XYLT1: variants seen among roughly 807,000 people sequenced by gnomAD.
XYLT1 encodes beta-D-xylosyltransferase 1.
Under a neutral mutation model 91.3 loss-of-function variants are expected in XYLT1, and 36 were observed. That is an observed-to-expected ratio of 0.39 (90% CI 0.30 to 0.52). The LOEUF is 0.52. Ranked by LOEUF, XYLT1 falls within the 20% of genes least tolerant of loss-of-function variation. The pLI is 0.68. For missense variants in XYLT1, 1,242 were observed against 1,284.5 expected (o/e 0.97, Z 0.51); for synonymous variants, 588 against 532.0 (o/e 1.11, Z -1.45).
At chr16:17,111,986 C>G (rs1253402501) in intron 11 of XYLT1, among the ~76,000 whole-genome samples, 1 of 152,102 alleles carries the variant, frequency 6.6e-6, no homozygotes, top group Non-Finnish European at 1.5e-5. Context: ...CTATCAGAGC[C>G]CCTTAGTGCC....
chr16:17,323,062 C>G (rs1470119539), intron 2 of XYLT1, among the ~76,000 whole-genome samples: 1 of 152,234 alleles, frequency 6.6e-6, no homozygotes, highest in Non-Finnish European at 1.5e-5. Flanking sequence ...ACCTCCATGG[C>G]AGGTCAGGGC....
intron 3 of XYLT1, among the ~76,000 whole-genome samples, chr16:17,238,241 G>C (rs539205371): frequency 1.1e-4 from 16 of 152,328 alleles, no homozygotes; most frequent in African/African-American, 3.8e-4. Context: ...ATACACACAG[G>C]AAATAGCAGG....
intron 2 of XYLT1, among the ~76,000 whole-genome samples, chr16:17,350,528 A>G (rs2035206324): frequency 1.3e-5 from 2 of 152,206 alleles, no homozygotes; most frequent in African/African-American, 4.8e-5. Context: ...CTAACTAGAG[A>G]GGCAGCAAAT....
intron 2 of XYLT1, among the ~76,000 whole-genome samples, chr16:17,322,162 C>T (rs564165050): frequency 2.0e-5 from 3 of 152,264 alleles, no homozygotes; most frequent in Non-Finnish European, 2.9e-5. Flanking sequence ...CATAAGACAG[C>T]GGGGACAGCA....
At chr16:17,266,669 C>T (rs2033810343) in intron 2 of XYLT1, among the ~76,000 whole-genome samples, 1 of 152,176 alleles carries the variant, frequency 6.6e-6, no homozygotes, top group African/African-American at 2.4e-5. Context: ...GGGCGCCTGG[C>T]CCACCCGCTC....
intron 3 of XYLT1, among the ~76,000 whole-genome samples, chr16:17,230,749 T>G (rs984122815): frequency 2.6e-4 from 40 of 152,192 alleles, no homozygotes. Context: ...CCCTTCAATG[T>G]AGGCATTTCA....
chr16:17,196,653 C>T (rs1027927829), intron 5 of XYLT1, among the ~76,000 whole-genome samples: 7 of 152,144 alleles, frequency 4.6e-5, no homozygotes, highest in Non-Finnish European at 8.8e-5. Context: ...AATGCTGAAC[C>T]CTATGGCCTC....
chr16:17,389,377 C>T (rs540669642), intron 1 of XYLT1, among the ~76,000 whole-genome samples: 2 of 152,162 alleles, frequency 1.3e-5, no homozygotes, highest in South Asian at 2.1e-4. Context: ...TCCTGAGTAG[C>T]GAGGACTACA....
rs1211043690 is a variant in XYLT1, at chr16:17,102,219, TA to T, written c.*6475del. 1 of 152,464 alleles carries T rather than the reference TA, an allele frequency of 6.6e-6. No homozygotes were observed. Among genetic ancestry groups the T allele is most frequent in the Non-Finnish European group, 1.5e-5 (1 of 68,038 alleles). The allele number at this position is 152,464 out of a possible 1,614,324, so 9.4% of individuals were successfully genotyped here. ...CTCAAAAGTATCCCAGTTTGGATGA[TA>T]AATTATATAGTCATCCTATCTTCAC... On this transcript the variant is annotated 3_prime_UTR_variant, in exon 12 of 12. Coordinates refer to ENST00000261381, the MANE Select transcript of XYLT1 (RefSeq NM_022166.4).
At position 17,320,441 on chromosome 16, in the gene XYLT1, G is replaced by A. The variant is rs147212963; in HGVS notation, c.402+37571C>T. The stretch of plus-strand genomic sequence containing the variant: ...CCCACCTCCTGAGGAAATGGGGCAT[G>A]AGTTGTGAGTTTCCTTAGCTGTGTG... On this transcript the variant is annotated intron_variant, in intron 2 of 11. Coordinates refer to ENST00000261381, the MANE Select transcript of XYLT1 (RefSeq NM_022166.4). Among the ~76,000 whole-genome samples, 6 of 151,170 alleles carry A rather than the reference G, an allele frequency of 4.0e-5. No individual in the cohort carries two copies. In the East Asian group the frequency reaches 1.2e-3, roughly 29 times the overall value.
rs1219565274 is a variant in XYLT1, at chr16:17,103,903, T to C, written c.*4792A>G. The C allele has an allele frequency of 6.6e-6, 1 of 152,238 alleles. No individual in the cohort carries two copies. Among genetic ancestry groups the C allele is most frequent in the Non-Finnish European group, 1.5e-5 (1 of 68,198 alleles). The allele number at this position is 152,238 out of a possible 1,614,324, so 9.4% of individuals were successfully genotyped here. On this transcript the variant is annotated 3_prime_UTR_variant, in exon 12 of 12. Coordinates refer to ENST00000261381, the MANE Select transcript of XYLT1 (RefSeq NM_022166.4). The stretch of plus-strand genomic sequence containing the variant: ...CCTATACAGTATCTTGTTTGCAAGG[T>C]AAACACAAAACAAAACAAAACAAAA...
chr16:17,389,223 G>C (rs1320825739), intron 1 of XYLT1, among the ~76,000 whole-genome samples: 2 of 150,860 alleles, frequency 1.3e-5, no homozygotes, highest in Non-Finnish European at 3.0e-5. Context: ...TGCATAGAAA[G>C]CCTTTAACAA....
At chr16:17,343,767 T>C (rs1013098178) in intron 2 of XYLT1, among the ~76,000 whole-genome samples, 9 of 152,294 alleles carry the variant, frequency 5.9e-5, no homozygotes, top group Non-Finnish European at 8.8e-5. Flanking sequence ...CCATACCCAG[T>C]GTGCTTGGCT....
intron 4 of XYLT1, among the ~76,000 whole-genome samples, 187 bp downstream of exon 4, chr16:17,200,295 T>C (rs1157685315): frequency 1.3e-5 from 2 of 152,068 alleles, no homozygotes; most frequent in Admixed American, 6.5e-5. Context: ...GCTGGAAACT[T>C]TGAAACCAAC....
chr16:17,436,512 T>C (rs2036461367), intron 1 of XYLT1, among the ~76,000 whole-genome samples: 2 of 152,280 alleles, frequency 1.3e-5, no homozygotes, highest in Admixed American at 6.5e-5. Context: ...CCAGGCAGCA[T>C]TGGTGAAACT....
chr16:17,172,921 A>G (rs72777722), intron 5 of XYLT1, among the ~76,000 whole-genome samples: 13,444 of 152,200 alleles, frequency 0.088, 673 homozygotes, highest in Middle Eastern at 0.13. Context: ...CTTCTTGGGT[A>G]AAAGCTGTTC....
chr16:17,323,164 C>T (rs958583116), intron 2 of XYLT1, among the ~76,000 whole-genome samples: 5 of 152,226 alleles, frequency 3.3e-5, no homozygotes, highest in African/African-American at 4.8e-5. Flanking sequence ...TTATCATTTT[C>T]CAATCAACAC....
Position 17,470,800 on chromosome 16 carries a change from C to T in XYLT1, c.-4G>A. On this transcript the variant is annotated 5_prime_UTR_variant, in exon 1 of 12. Transcript: ENST00000261381. ...GGGCGCACGGCGCCGCCACCATCTT[C>T]GGAGCGCGGCCGGCGAGCGAGGCGC... 7 of 999,854 alleles carry T rather than the reference C, an allele frequency of 7.0e-6. No homozygotes were observed. The highest frequency in any genetic ancestry group is 8.3e-6 in the Non-Finnish European group (7 of 842,042). 61.9% of individuals were successfully genotyped at this position (999,854 alleles called of 1,614,324 possible). A position where few individuals can be genotyped will look rare whatever the true frequency, so the allele number is the denominator to read the frequency against.
At chr16:17,140,166 A>G (rs910727237) in intron 7 of XYLT1, among the ~76,000 whole-genome samples, 1 of 152,206 alleles carries the variant, frequency 6.6e-6, no homozygotes, top group African/African-American at 2.4e-5. Context: ...GTCAGTGACA[A>G]TCCTTCAGAA....
Sources: gnomAD v4.1 joint callset for allele counts (sites outside exome capture counted in the v4.1 genomes callset) on GRCh38, gnomAD v4.1.1 for gene constraint, MANE v1.5 for transcripts, NCBI Gene and HGNC (gene_info 2026-07-23, HGNC 2026-07-21) for gene names.